ELMOD2: variants seen among roughly 807,000 people sequenced by gnomAD.
ELMOD2 encodes ELMO domain-containing protein 2.
In ELMOD2, 28 loss-of-function variants were observed where a neutral mutation model predicts 41.0. The ratio of observed to expected loss-of-function variants is 0.68; its 90% CI spans 0.51 to 0.94. The LOEUF (loss-of-function observed/expected upper bound fraction) is 0.94. Among genes scored for constraint, ELMOD2 ranks in the 40% least tolerant of loss-of-function variants. The pLI is 0.00. For missense variants in ELMOD2, 333 were observed against 343.1 expected, an observed-to-expected ratio of 0.97 and a Z score of 0.23; for synonymous variants, 106 against 107.2, an observed-to-expected ratio of 0.99 and a Z score of 0.07.
chr4:140,544,581 C>T (rs1372208108), intron 8 of ELMOD2, among the ~76,000 whole-genome samples: 2 of 152,106 alleles, frequency 1.3e-5, no homozygotes, highest in South Asian at 2.1e-4. Context: ...TCAAAGGATT[C>T]CCATTATAAG....
chr4:140,540,189 A>G lies in ELMOD2; in HGVS notation c.421A>G (p.Thr141Ala). The G allele has an allele frequency of 6.2e-7, 1 of 1,614,174 alleles. No homozygotes were observed. The highest frequency in any genetic ancestry group is 8.5e-7 in the Non-Finnish European group (1 of 1,180,006). ...LMKLWNLLMP[T>A]KKLNARISKQ... Reference sequence around the variant, plus strand: ...ACAGCTTTGGAATCTTCTAATGCCCACGAAGAAGTTAAACGCTAGAATCTC... The same window carrying G: ...ACAGCTTTGGAATCTTCTAATGCCCGCGAAGAAGTTAAACGCTAGAATCTC... Residue 141 changes from threonine to alanine, a missense_variant, in exon 6 of 9, where the codon ACG becomes GCG. Physicochemically the swap from Thr to Ala is moderately conservative, Grantham distance 58. Coordinates refer to ENST00000323570, the MANE Select transcript of ELMOD2 (RefSeq NM_153702.4).
chr4:140,525,464 CTT>C lies in ELMOD2; in HGVS notation c.41_42del (p.Phe14SerfsTer16). The C allele has an allele frequency of 5.0e-6, 8 of 1,613,660 alleles. No homozygotes were observed. Among genetic ancestry groups the C allele is most frequent in the Non-Finnish European group, 5.9e-6 (7 of 1,179,866 alleles). On this transcript the variant is annotated frameshift_variant, in exon 2 of 9. Transcript: ENST00000323570. LOFTEE classifies it high-confidence loss of function. ...ISLWEFFYGHFFRFWMKWLLR... is the reference protein window; with the variant it reads ...ISLWEFFYGHXFRFWMKWLLR... ...CTTTGTGGGAGTTCTTCTATGGGCA[CTT>C]TTTTCGATTTTGGATGAAATGGCTA...
chr4:140,546,695 A>G (rs1189657656), intron 8 of ELMOD2, among the ~76,000 whole-genome samples: 2 of 151,946 alleles, frequency 1.3e-5, no homozygotes, highest in Non-Finnish European at 2.9e-5. Context: ...GGTAGGTTAG[A>G]AAGCAGTGCA....
At position 140,543,448 on chromosome 4, in the gene ELMOD2, C is replaced by T; in HGVS notation, c.603-5C>T. 3 of 1,588,924 alleles carry T rather than the reference C, an allele frequency of 1.9e-6. No individual in the cohort carries two copies. Among genetic ancestry groups the T allele is most frequent in the Non-Finnish European group, 2.6e-6 (3 of 1,173,468 alleles). On this transcript the variant is annotated splice_polypyrimidine_tract_variant and splice_region_variant and intron_variant, in intron 7 of 8. Coordinates refer to ENST00000323570, the MANE Select transcript of ELMOD2 (RefSeq NM_153702.4). ...CTGGTATAACTGGTAATGTTTCTGA[C>T]ATAGGTATTCTTATGCAATAGTTGG...
chr4:140,542,894 C>G (rs1168923261), intron 7 of ELMOD2, among the ~76,000 whole-genome samples: 2 of 151,612 alleles, frequency 1.3e-5, no homozygotes. Flanking sequence ...TTATAAAATG[C>G]TTTTGAGAAA....
intron 7 of ELMOD2, 90 bp downstream of exon 7, chr4:140,542,732 TTAAAA>T (rs200726237): frequency 2.6e-4 from 253 of 985,894 alleles, no homozygotes; most frequent in African/African-American, 1.6e-3. Context: ...AAGGTATTTC[TTAAAA>T]TAAAGTATTT....
chr4:140,527,812 A>C, intron 3 of ELMOD2: 1 of 240,286 alleles, frequency 4.2e-6, no homozygotes, highest in Non-Finnish European at 7.9e-6. Flanking sequence ...AGGATAGATT[A>C]TATGAGAGAA....
At chr4:140,528,643 T>A (rs3097595) in intron 3 of ELMOD2, among the ~76,000 whole-genome samples, 151,987 of 152,336 alleles carry the variant, frequency 1, 75,823 homozygotes, top group Middle Eastern at 1. Flanking sequence ...CTGTCTAGTA[T>A]TATGAATCGT....
rs557461333 is a variant in ELMOD2 at position 140,525,628 on chromosome 4, G to A, written c.142+58G>A. The A allele has an allele frequency of 7.3e-5, 112 of 1,536,192 alleles. No individual in the cohort carries two copies. The African/African-American group carries it at 1.4e-3, about 19-fold the overall frequency. ...AAAGTTTAACGGAGTGTTTTTCTCA[G>A]GACTCACAGTGACAGATGTATTTCT... On this transcript the variant is annotated intron_variant, in intron 2 of 8. Transcript: ENST00000323570.
At chr4:140,534,555 A>G (rs976445620) in intron 3 of ELMOD2, among the ~76,000 whole-genome samples, 2 of 152,198 alleles carry the variant, frequency 1.3e-5, no homozygotes, top group African/African-American at 4.8e-5. Context: ...TTTTTAAAAA[A>G]GTAATGGAAT....
chr4:140,528,157 A>G (rs1357981820), intron 3 of ELMOD2, among the ~76,000 whole-genome samples: 1 of 152,216 alleles, frequency 6.6e-6, no homozygotes, highest in Non-Finnish European at 1.5e-5. Context: ...TCTGTTAGCA[A>G]CCTGTTAGTT....
chr4:140,525,405 G>A lies in ELMOD2; in HGVS notation c.-9-15G>A, dbSNP rs2110810498. On this transcript the variant is annotated splice_polypyrimidine_tract_variant and intron_variant, in intron 1 of 8. Transcript: ENST00000323570. Reference sequence around the variant, plus strand: ...TAAGGTCATTAAGCTTGTCTTGTATGTTTCCCTCCTCCAGGAAAAAAAAAT... The same window carrying A: ...TAAGGTCATTAAGCTTGTCTTGTATATTTCCCTCCTCCAGGAAAAAAAAAT... 6.2e-7 allele frequency: 1 copy of A among 1,610,230 alleles called. No homozygotes were observed. The highest frequency in any genetic ancestry group is 8.5e-7 in the Non-Finnish European group (1 of 1,178,678).
chr4:140,542,740 A>C, intron 7 of ELMOD2, 98 bp downstream of exon 7: 2 of 941,566 alleles, frequency 2.1e-6, no homozygotes, highest in Non-Finnish European at 3.1e-6. Flanking sequence ...TCTTAAAATA[A>C]AGTATTTTAA....
chr4:140,533,040 A>G lies in ELMOD2; in HGVS notation c.172-2693A>G, dbSNP rs571020252. Among the ~76,000 whole-genome samples the G allele has an allele frequency of 2.6e-4, 39 of 152,360 alleles. No individual in the cohort carries two copies. The South Asian group carries it at 5.6e-3, about 22-fold the overall frequency. ...CAGGGCTAAATTTAATGAAAGATGCATAAGACTTCTGCACTAAAACTCCCA... is the reference window on the plus strand; with the variant it reads ...CAGGGCTAAATTTAATGAAAGATGCGTAAGACTTCTGCACTAAAACTCCCA... On this transcript the variant is annotated intron_variant, in intron 3 of 8. Transcript: ENST00000323570.
At chr4:140,532,671 A>C (rs542221441) in intron 3 of ELMOD2, among the ~76,000 whole-genome samples, 1 of 152,330 alleles carries the variant, frequency 6.6e-6, no homozygotes, top group African/African-American at 2.4e-5. Context: ...AACATGATAC[A>C]TAACACTGAA....
At chr4:140,538,517 A>G (rs1012054411) in intron 5 of ELMOD2, among the ~76,000 whole-genome samples, 1 of 152,182 alleles carries the variant, frequency 6.6e-6, no homozygotes, top group African/African-American at 2.4e-5. Flanking sequence ...GAGTTTTTAT[A>G]TTTAAAGTGT....
intron 5 of ELMOD2, 92 bp from the exon 6 acceptor site, chr4:140,540,076 G>T: frequency 2.8e-6 from 4 of 1,439,530 alleles, no homozygotes; most frequent in Non-Finnish European, 3.7e-6. Context: ...TTAACCTATG[G>T]TTTTTCTACA....
At chr4:140,537,282 C>T (rs1734958266) in intron 4 of ELMOD2, 130 bp from the exon 5 acceptor site, 1 of 704,906 alleles carries the variant, frequency 1.4e-6, no homozygotes, top group Admixed American at 4.2e-5. Flanking sequence ...TTTAAGGTGG[C>T]CTTTGGTGGG....
At chr4:140,540,505 G>A (rs1735072063) in intron 6 of ELMOD2, among the ~76,000 whole-genome samples, 1 of 152,190 alleles carries the variant, frequency 6.6e-6, no homozygotes, top group East Asian at 1.9e-4. Context: ...TGTAATCCCA[G>A]CACTTTGGGA....
Sources: gnomAD v4.1 joint callset for allele counts (sites outside exome capture counted in the v4.1 genomes callset) on GRCh38, gnomAD v4.1.1 for gene constraint, MANE v1.5 for transcripts, NCBI Gene and HGNC (gene_info 2026-07-23, HGNC 2026-07-21) for gene names.